The following POM121C variants were observed in gnomAD, a reference collection of about 807,000 sequenced individuals.
The protein encoded by POM121C is POM121 transmembrane nucleoporin C, also known as nuclear envelope pore membrane protein POM 121C.
In POM121C, 20 loss-of-function variants were observed where a neutral mutation model predicts 66.4. That is an observed-to-expected ratio of 0.30 (90% CI 0.21 to 0.44). POM121C has a LOEUF of 0.44. Among genes scored for constraint, POM121C ranks in the 20% least tolerant of loss-of-function variants. POM121C has a pLI of 1.00. For missense variants in POM121C, 580 were observed against 1,225.7 expected (o/e 0.47, Z 7.87); for synonymous variants, 286 against 528.0 (o/e 0.54, Z 6.28).
intron 3 of POM121C, among the ~76,000 whole-genome samples, chr7:75,453,592 A>G (rs1791102682): frequency 6.6e-6 from 1 of 151,772 alleles, no homozygotes; most frequent in Non-Finnish European, 1.5e-5. Flanking sequence ...CAAAAAAAAA[A>G]AAAAAAGACA....
At chr7:75,439,295 A>G in intron 5 of POM121C, 71 bp from the exon 6 acceptor site, 1 of 1,590,424 alleles carries the variant, frequency 6.3e-7, no homozygotes, top group Non-Finnish European at 8.6e-7. Context: ...GTATTCTCAC[A>G]TTTCTGGGAC....
intron 3 of POM121C, among the ~76,000 whole-genome samples, chr7:75,474,115 C>T (rs1286790135): frequency 1.3e-5 from 2 of 152,042 alleles, no homozygotes; most frequent in South Asian, 2.1e-4. Context: ...TCTGTAAGGC[C>T]GGGAGCAGTG....
At chr7:75,450,176 G>A (rs1187637261) in intron 3 of POM121C, among the ~76,000 whole-genome samples, 1 of 152,248 alleles carries the variant, frequency 6.6e-6, no homozygotes, top group Non-Finnish European at 1.5e-5. Flanking sequence ...CTAGAACTGT[G>A]AGAAAATAAC....
At chr7:75,447,479 A>AT (rs1300366479) in intron 3 of POM121C, among the ~76,000 whole-genome samples, 1 of 150,654 alleles carries the variant, frequency 6.6e-6, no homozygotes, top group East Asian at 1.9e-4. Context: ...ATGATACCAA[A>AT]TTTCTTGCCA....
intron 6 of POM121C, among the ~76,000 whole-genome samples, chr7:75,438,763 T>C (rs1554473390): frequency 6.6e-6 from 1 of 152,214 alleles, no homozygotes; most frequent in Non-Finnish European, 1.5e-5. Flanking sequence ...ACACAGACTT[T>C]TGAGCCACTT....
At chr7:75,484,616 C>T (rs1792439025) in intron 1 of POM121C, among the ~76,000 whole-genome samples, 1 of 143,850 alleles carries the variant, frequency 7.0e-6, no homozygotes, top group Non-Finnish European at 1.5e-5. Context: ...TTGCAGTGAG[C>T]CGAGACCACG....
intron 1 of POM121C, among the ~76,000 whole-genome samples, chr7:75,477,155 G>A (rs1464432967): frequency 1.5e-5 from 2 of 133,400 alleles, no homozygotes; most frequent in African/African-American, 2.7e-5. Context: ...CAGTCTTCTC[G>A]GTCCGAAAGT....
At chr7:75,460,819 C>T (rs1331660460) in intron 3 of POM121C, among the ~76,000 whole-genome samples, 1 of 152,136 alleles carries the variant, frequency 6.6e-6, no homozygotes, top group Non-Finnish European at 1.5e-5. Context: ...GGGTTCTGCA[C>T]CTTGGTGGGT....
chr7:75,437,079 G>A (rs1481969393), intron 7 of POM121C, among the ~76,000 whole-genome samples: 1 of 152,186 alleles, frequency 6.6e-6, no homozygotes, highest in Non-Finnish European at 1.5e-5. Context: ...CCCAATACAA[G>A]CTGGACTCAG....
intron 3 of POM121C, among the ~76,000 whole-genome samples, chr7:75,462,905 T>C (rs1193329452): frequency 2.6e-5 from 4 of 152,022 alleles, no homozygotes; most frequent in Non-Finnish European, 4.4e-5. Flanking sequence ...GGAATTTCAG[T>C]AGCCATGCAC....
chr7:75,466,212 A>T (rs1554477797), intron 3 of POM121C, among the ~76,000 whole-genome samples: 1 of 57,254 alleles, frequency 1.7e-5, no homozygotes, highest in Non-Finnish European at 4.7e-5. Context: ...AAGAAGCAAT[A>T]AAAAAAAAAA....
rs1554469856 is a variant in POM121C, at chr7:75,416,995, C to G, written c.*1801G>C. 7.6e-7 allele frequency: 1 copy of G among 1,312,668 alleles called. No homozygotes were observed. The highest frequency in any genetic ancestry group is 3.2e-5 in the East Asian group (1 of 31,046). 81.3% of individuals were successfully genotyped at this position (1,312,668 alleles called of 1,614,324 possible). A position where few individuals can be genotyped will look rare whatever the true frequency, so the allele number is the denominator to read the frequency against. ...CGGACCGGCTGTCCTGCCTGCGGAA[C>G]TGAGGTAAACAAGCTCAGGTACTGA... is the stretch of plus-strand genomic sequence containing the variant. On this transcript the variant is annotated 3_prime_UTR_variant, in exon 15 of 15. Coordinates refer to ENST00000615331, the MANE Select transcript of POM121C (RefSeq NM_001099415.3).
intron 3 of POM121C, among the ~76,000 whole-genome samples, chr7:75,450,943 GCAGA>G (rs1396958357): frequency 2.0e-5 from 3 of 152,100 alleles, no homozygotes; most frequent in African/African-American, 7.2e-5. Flanking sequence ...ATTGGACTTA[GCAGA>G]CAAAGACTTT....
At chr7:75,436,708 G>A (rs1437646209) in intron 7 of POM121C, among the ~76,000 whole-genome samples, 8 of 152,200 alleles carry the variant, frequency 5.3e-5, no homozygotes, top group East Asian at 3.9e-4. Flanking sequence ...CATTGCAACA[G>A]CACTTCAGAG....
intron 1 of POM121C, among the ~76,000 whole-genome samples, chr7:75,481,285 T>C (rs1184884538): frequency 6.6e-6 from 1 of 151,326 alleles, no homozygotes; most frequent in Non-Finnish European, 1.5e-5. Context: ...TGCTATCATA[T>C]ATATCAAATA....
chr7:75,444,262 G>T (rs1790761919), intron 3 of POM121C, among the ~76,000 whole-genome samples: 1 of 128,934 alleles, frequency 7.8e-6, no homozygotes, highest in Non-Finnish European at 1.7e-5. Flanking sequence ...AAAAAAGGGG[G>T]GGGGGGGCGG....
At chr7:75,462,836 G>T (rs1791490890) in intron 3 of POM121C, among the ~76,000 whole-genome samples, 1 of 151,970 alleles carries the variant, frequency 6.6e-6, no homozygotes, top group South Asian at 2.1e-4. Flanking sequence ...AGAAGAAGCT[G>T]TGGAGAGTTT....
At chr7:75,440,787 A>T in intron 5 of POM121C, 167 bp downstream of exon 5, 1 of 1,172,916 alleles carries the variant, frequency 8.5e-7, no homozygotes. Flanking sequence ...CTTGAAATGA[A>T]CAGCATTAAA....
At chr7:75,476,180 A>C (rs1202374302) in intron 1 of POM121C, among the ~76,000 whole-genome samples, 1 of 152,120 alleles carries the variant, frequency 6.6e-6, no homozygotes, top group African/African-American at 2.4e-5. Flanking sequence ...AGTTCCAGCT[A>C]CTTGGGAGGC....
Sources: allele counts gnomAD v4.1 joint callset (sites outside exome capture counted in the v4.1 genomes callset), GRCh38; gene constraint gnomAD v4.1.1; transcripts MANE v1.5; gene names NCBI Gene and HGNC (gene_info 2026-07-23, HGNC 2026-07-21).